CRHR1: variants seen among roughly 807,000 people sequenced by gnomAD.
The protein encoded by CRHR1 is corticotropin-releasing hormone receptor 1.
CRHR1 carries 28 observed loss-of-function variants against 56.0 expected under a neutral mutation model. The ratio of observed to expected loss-of-function variants is 0.50; its 90% CI spans 0.37 to 0.69. The LOEUF (loss-of-function observed/expected upper bound fraction) is 0.69, where lower values mean the gene tolerates loss of function less well. Among genes scored for constraint, CRHR1 ranks in the 30% least tolerant of loss-of-function variants. The pLI is 0.00. For synonymous variants in CRHR1, 195 were observed against 216.5 expected (o/e 0.90, Z 0.87); for missense variants, 376 against 548.0 (o/e 0.69, Z 3.13).
chr17:45,785,987 G>T (rs2061328801), intron 1 of CRHR1, among the ~76,000 whole-genome samples: 1 of 152,192 alleles, frequency 6.6e-6, no homozygotes, highest in Non-Finnish European at 1.5e-5. Flanking sequence ...CATCCAGAGA[G>T]GTCGAGTAGT....
In CRHR1 at chr17:45,835,769, G is replaced by C. The variant is rs1278546439; in HGVS notation, c.*1005G>C. 6.6e-6 allele frequency: 1 copy of C among 152,420 alleles called. No individual in the cohort carries two copies. Among genetic ancestry groups the C allele is most frequent in the East Asian group, 1.9e-4 (1 of 5,202 alleles). 9.4% of individuals were successfully genotyped at this position (152,420 alleles called of 1,614,324 possible). A position where few individuals can be genotyped will look rare whatever the true frequency, so the allele number is the denominator to read the frequency against. Reference sequence around the variant, plus strand: ...AGGGCTTTGGGGGGCACTAGAAGATGAGGGTGTCGGCTGTGAGGCGGGTGG... The same window carrying C: ...AGGGCTTTGGGGGGCACTAGAAGATCAGGGTGTCGGCTGTGAGGCGGGTGG... On this transcript the variant is annotated 3_prime_UTR_variant, in exon 13 of 13. Coordinates refer to ENST00000314537, the MANE Select transcript of CRHR1 (RefSeq NM_004382.5).
intron 2 of CRHR1, 132 bp downstream of exon 2, chr17:45,807,229 C>A: frequency 1.3e-6 from 1 of 785,476 alleles, no homozygotes; most frequent in South Asian, 1.7e-5. Flanking sequence ...TCCAGGGCTC[C>A]AAGCAATTCT....
intron 2 of CRHR1, among the ~76,000 whole-genome samples, chr17:45,812,917 T>C (rs2061850719): frequency 6.6e-6 from 1 of 152,168 alleles, no homozygotes; most frequent in Non-Finnish European, 1.5e-5. Flanking sequence ...GTTTATATTA[T>C]AGTAGTGTCC....
At chr17:45,830,790 C>A in intron 7 of CRHR1, 90 bp from the exon 8 acceptor site, 1 of 1,374,968 alleles carries the variant, frequency 7.3e-7, no homozygotes, top group Non-Finnish European at 1.0e-6. Context: ...TAACCCCAGA[C>A]CCCCTGGAGC....
chr17:45,833,693 T>TGGCCCCCCC, intron 10 of CRHR1, 21 bp from the exon 11 acceptor site: 2 of 1,571,580 alleles, frequency 1.3e-6, no homozygotes, highest in Non-Finnish European at 1.7e-6. Context: ...ACTCCGAGCC[T>TGGCCCCCCC]CCCCACCCGC....
rs551004899 is a variant in CRHR1, at chr17:45,835,048, G to T, written c.*284G>T. The T allele has an allele frequency of 6.0e-6, 3 of 496,578 alleles. No individual in the cohort carries two copies. The highest frequency in any genetic ancestry group is 3.3e-5 in the South Asian group (1 of 30,398). 30.8% of individuals were successfully genotyped at this position (496,578 alleles called of 1,614,324 possible). A position where few individuals can be genotyped will look rare whatever the true frequency, so the allele number is the denominator to read the frequency against. Reference sequence around the variant, plus strand: ...ACATGGGAATGAATTGAAATGGGGCGCTGGACACCTACAGCAGCACGCATG... The same window carrying T: ...ACATGGGAATGAATTGAAATGGGGCTCTGGACACCTACAGCAGCACGCATG... On this transcript the variant is annotated 3_prime_UTR_variant, in exon 13 of 13. Transcript: ENST00000314537.
At chr17:45,788,364 T>C (rs2072541774) in intron 1 of CRHR1, among the ~76,000 whole-genome samples, 1 of 152,168 alleles carries the variant, frequency 6.6e-6, no homozygotes, top group African/African-American at 2.4e-5. Context: ...CTCTGTTATC[T>C]CTCATGTCTC....
At chr17:45,804,904 T>C (rs565624814) in intron 1 of CRHR1, among the ~76,000 whole-genome samples, 24 of 151,628 alleles carry the variant, frequency 1.6e-4, no homozygotes, top group African/African-American at 5.8e-4. Flanking sequence ...AACCTCAACC[T>C]CCCGGGTTCA....
intron 1 of CRHR1, among the ~76,000 whole-genome samples, chr17:45,791,712 A>ATCCCAC (rs951558894): frequency 1.3e-5 from 2 of 151,480 alleles, no homozygotes; most frequent in African/African-American, 4.9e-5. Context: ...TCCCGCCATG[A>ATCCCAC]TCCCTTCCAC....
At chr17:45,818,938 G>A (rs949273293) in intron 3 of CRHR1, among the ~76,000 whole-genome samples, 1 of 152,128 alleles carries the variant, frequency 6.6e-6, no homozygotes, top group Non-Finnish European at 1.5e-5. Context: ...CCCTGGCAAC[G>A]GCTCCCTGCT....
At chr17:45,813,159 G>C (rs909732252) in intron 2 of CRHR1, among the ~76,000 whole-genome samples, 2 of 152,196 alleles carry the variant, frequency 1.3e-5, no homozygotes, top group South Asian at 2.1e-4. Context: ...GTCCCAGGCC[G>C]GGAAGTCCAG....
intron 1 of CRHR1, among the ~76,000 whole-genome samples, chr17:45,786,490 C>A (rs887925742): frequency 6.6e-5 from 10 of 152,072 alleles, no homozygotes; most frequent in African/African-American, 2.4e-4. Flanking sequence ...CTCCTAACAG[C>A]CCTAGGAAGT....
intron 1 of CRHR1, among the ~76,000 whole-genome samples, chr17:45,797,593 T>A (rs1180510063): frequency 1.3e-5 from 2 of 152,140 alleles, no homozygotes; most frequent in African/African-American, 4.8e-5. Context: ...CAGTTTTATA[T>A]GCACCATATT....
chr17:45,807,813 G>T (rs1393521537), intron 2 of CRHR1, among the ~76,000 whole-genome samples: 1 of 152,206 alleles, frequency 6.6e-6, no homozygotes, highest in East Asian at 1.9e-4. Flanking sequence ...ATCCTCACAA[G>T]AGTGTAAAGC....
chr17:45,834,599 G>T, intron 12 of CRHR1, 25 bp from the exon 13 acceptor site: 1 of 1,594,358 alleles, frequency 6.3e-7, no homozygotes. Context: ...AGGCTCAGAT[G>T]TCGTGCTCCT....
chr17:45,803,234 T>C (rs532380619), intron 1 of CRHR1, among the ~76,000 whole-genome samples: 5 of 152,122 alleles, frequency 3.3e-5, no homozygotes, highest in African/African-American at 9.6e-5. Flanking sequence ...TGGATGGAAA[T>C]AGAACGTGAT....
chr17:45,788,690 T>C (rs532957794), intron 1 of CRHR1, among the ~76,000 whole-genome samples: 97 of 152,354 alleles, frequency 6.4e-4, no homozygotes, highest in Middle Eastern at 3.4e-3. Flanking sequence ...AGATATAAGT[T>C]AATGCAGGAA....
At chr17:45,830,852 G>A (rs1156382417) in intron 7 of CRHR1, 28 bp from the exon 8 acceptor site, 2 of 1,611,408 alleles carry the variant, frequency 1.2e-6, no homozygotes, top group South Asian at 2.2e-5. Flanking sequence ...CCCGCTGAGG[G>A]CTCTGTGACA....
At chr17:45,819,974 C>T (rs1339168865) in intron 3 of CRHR1, among the ~76,000 whole-genome samples, 1 of 152,186 alleles carries the variant, frequency 6.6e-6, no homozygotes, top group East Asian at 1.9e-4. Context: ...CCAGTCCAGC[C>T]CCTCCTTTTA....
Sources: gnomAD v4.1 joint callset for allele counts (sites outside exome capture counted in the v4.1 genomes callset) on GRCh38, gnomAD v4.1.1 for gene constraint, MANE v1.5 for transcripts, NCBI Gene and HGNC (gene_info 2026-07-23, HGNC 2026-07-21) for gene names.